The following AFG2A variants were observed in gnomAD, a reference collection of about 807,000 sequenced individuals.
The protein encoded by AFG2A is ATPase family gene 2 protein homolog A.
chr4:123,204,357 G>A, the AFG2A span, among the ~76,000 whole-genome samples: 4 of 152,164 alleles, frequency 2.6e-5, no homozygotes, highest in Non-Finnish European at 5.9e-5. Context: ...AGTAATGAAT[G>A]AGAAATCTAG....
At chr4:123,291,052 T>G in the AFG2A span, among the ~76,000 whole-genome samples, 1 of 152,214 alleles carries the variant, frequency 6.6e-6, no homozygotes, top group Non-Finnish European at 1.5e-5. Flanking sequence ...ATAATGACCC[T>G]CTTTGGGTTT....
the AFG2A span, among the ~76,000 whole-genome samples, chr4:123,135,440 G>A: frequency 6.6e-6 from 1 of 152,172 alleles, no homozygotes; most frequent in Non-Finnish European, 1.5e-5. Flanking sequence ...GAAATAAAAG[G>A]CATCCTAATA....
the AFG2A span, among the ~76,000 whole-genome samples, chr4:123,044,108 C>T: frequency 1.5e-4 from 18 of 120,288 alleles, no homozygotes; most frequent in African/African-American, 4.2e-4. Context: ...ACGTCAAAAT[C>T]TTGATCCCAC....
At chr4:122,923,222 G>A in the AFG2A span, 1 of 1,614,162 alleles carries the variant, frequency 6.2e-7, no homozygotes, top group Non-Finnish European at 8.5e-7. Flanking sequence ...GCTTCCTCTT[G>A]TGCGGAGGCA....
chr4:123,114,558 C>T, the AFG2A span, among the ~76,000 whole-genome samples: 35 of 152,202 alleles, frequency 2.3e-4, no homozygotes, highest in Admixed American at 5.9e-4. Context: ...GCCACAACAA[C>T]GCTGGGACCA....
At chr4:123,307,600 G>A in the AFG2A span, among the ~76,000 whole-genome samples, 4 of 152,240 alleles carry the variant, frequency 2.6e-5, no homozygotes, top group Non-Finnish European at 5.9e-5. Context: ...GTAATCTTAG[G>A]TTAGTTTCAT....
the AFG2A span, among the ~76,000 whole-genome samples, chr4:123,215,775 T>G: frequency 2.5e-3 from 373 of 152,224 alleles, 1 homozygote; most frequent in African/African-American, 8.1e-3. Context: ...TGAATGAATC[T>G]CTTCAGTAGC....
At chr4:123,024,487 C>T in the AFG2A span, among the ~76,000 whole-genome samples, 1,515 of 152,256 alleles carry the variant, frequency 1.0e-2, 36 homozygotes, top group African/African-American at 0.035. Flanking sequence ...TTTGCTCAAA[C>T]GAGAGTCCCA....
At chr4:122,959,873 C>T in the AFG2A span, among the ~76,000 whole-genome samples, 10 of 152,206 alleles carry the variant, frequency 6.6e-5, no homozygotes, top group East Asian at 1.7e-3. Context: ...TAACTTTGTT[C>T]CCATAATGAA....
At chr4:123,003,178 A>G in the AFG2A span, among the ~76,000 whole-genome samples, 25 of 152,038 alleles carry the variant, frequency 1.6e-4, no homozygotes, top group African/African-American at 2.4e-4. Context: ...GCACTTCTCT[A>G]TATTGGTTAT....
the AFG2A span, chr4:123,057,193 G>T: frequency 5.6e-6 from 9 of 1,613,132 alleles, no homozygotes; most frequent in Admixed American, 1.5e-4. Flanking sequence ...AGCTAATGTG[G>T]CACTCTTTCC....
chr4:122,928,324 G>T, the AFG2A span, among the ~76,000 whole-genome samples: 1 of 152,060 alleles, frequency 6.6e-6, no homozygotes, highest in Non-Finnish European at 1.5e-5. Context: ...TCTAAGCCTG[G>T]AACCTTTCCT....
the AFG2A span, chr4:122,936,104 T>C: frequency 6.2e-7 from 1 of 1,602,270 alleles, no homozygotes; most frequent in Non-Finnish European, 8.5e-7. Flanking sequence ...TTACAGATTC[T>C]ATGGTGAGAC....
the AFG2A span, among the ~76,000 whole-genome samples, chr4:122,999,342 G>A: frequency 0.036 from 5,538 of 152,170 alleles, 124 homozygotes; most frequent in Admixed American, 0.051. Flanking sequence ...TTTGGCTTTT[G>A]TTGCCATTGC....
At chr4:123,207,468 C>A in the AFG2A span, among the ~76,000 whole-genome samples, 1 of 152,042 alleles carries the variant, frequency 6.6e-6, no homozygotes, top group Non-Finnish European at 1.5e-5. Flanking sequence ...CACACGCCAC[C>A]ACACCCAGCT....
the AFG2A span, among the ~76,000 whole-genome samples, chr4:123,142,257 T>C: frequency 6.6e-6 from 1 of 152,150 alleles, no homozygotes; most frequent in African/African-American, 2.4e-5. Flanking sequence ...GGAATGAATG[T>C]ATGTATGCAT....
the AFG2A span, among the ~76,000 whole-genome samples, chr4:123,110,011 AAGTT>A: frequency 4.6e-5 from 7 of 152,108 alleles, no homozygotes; most frequent in African/African-American, 7.2e-5. Context: ...TTCATTGAGA[AAGTT>A]AGTATTTTCT....
chr4:123,052,918 T>G, the AFG2A span, among the ~76,000 whole-genome samples: 1 of 152,110 alleles, frequency 6.6e-6, no homozygotes, highest in Non-Finnish European at 1.5e-5. Flanking sequence ...AAACCACTGG[T>G]GTAGGTCTGA....
chr4:123,001,043 G>A, the AFG2A span, among the ~76,000 whole-genome samples: 1,389 of 138,938 alleles, frequency 1.0e-2, 15 homozygotes, highest in African/African-American at 0.034. Flanking sequence ...GAGGGTGTAT[G>A]TGTCGAGGAA....
Sources: gnomAD v4.1 joint callset for allele counts (sites outside exome capture counted in the v4.1 genomes callset) on GRCh38, gnomAD v4.1.1 for gene constraint, MANE v1.5 for transcripts, NCBI Gene and HGNC (gene_info 2026-07-23, HGNC 2026-07-21) for gene names.